The following ANKRD36B variants were observed in gnomAD, a reference collection of about 807,000 sequenced individuals.
ANKRD36B encodes the protein ankyrin repeat domain-containing protein 36B.
In ANKRD36B, 37 loss-of-function variants were observed where a neutral mutation model predicts 135.7. That is an observed-to-expected ratio of 0.27 (90% CI 0.21 to 0.36). The LOEUF is 0.36. ANKRD36B is among the 10% of genes least tolerant of loss of function. ANKRD36B has a pLI of 1.00. For synonymous variants in ANKRD36B, 179 were observed against 348.1 expected (o/e 0.51, Z 5.41); for missense variants, 549 against 1,037.1 (o/e 0.53, Z 6.46).
Position 97,534,832 on chromosome 2 carries a change from G to C in ANKRD36B, c.2191+1468C>G, listed in dbSNP as rs1171679413. 4.2e-5 allele frequency among the ~76,000 whole-genome samples: 4 copies of C among 95,808 alleles called. 2 individuals are homozygous for C. The highest frequency in any genetic ancestry group is 1.1e-4 in the Non-Finnish European group (4 of 36,000). The allele number at this position is 95,808 out of a possible 152,430, so 62.9% of individuals were successfully genotyped here. A position where few individuals can be genotyped will look rare whatever the true frequency, so the allele number is the denominator to read the frequency against. On this transcript the variant is annotated intron_variant, in intron 34 of 43. Coordinates refer to ENST00000359901, the MANE Select transcript of ANKRD36B (RefSeq NM_001393939.1). ...TCCAGCAATCCCATTGCTAGGTAAC[G>C]ATTCAAAAGCAAGAAAATCAGTATT...
At position 97,530,486 on chromosome 2, in the gene ANKRD36B, T is replaced by C. The variant is rs2078511426; in HGVS notation, c.2265+1825A>G. Among the ~76,000 whole-genome samples the C allele has an allele frequency of 3.1e-5, 3 of 95,338 alleles. 1 individual carries two copies. Among genetic ancestry groups the C allele is most frequent in the South Asian group, 2.4e-4 (1 of 4,250 alleles). The allele number at this position is 95,338 out of a possible 152,430, so 62.5% of individuals were successfully genotyped here. ...AACCTAGGCATTACCATTCAGGACA[T>C]AGGCATGGGCAAGGACTTCATGTCT... is the stretch of plus-strand genomic sequence containing the variant. On this transcript the variant is annotated intron_variant, in intron 35 of 43. Transcript: ENST00000359901.
intron 3 of ANKRD36B, 41 bp from the exon 4 acceptor site, chr2:97,580,609 T>C: frequency 3.3e-6 from 5 of 1,510,224 alleles, no homozygotes; most frequent in Non-Finnish European, 4.5e-6. Flanking sequence ...CAAAATTACA[T>C]ATTTATCAAC....
In ANKRD36B at chr2:97,521,844, AACAG is replaced by A. The variant is rs2077962729; in HGVS notation, c.2407+1478_2407+1481del. ...GAGCACCTGCAAATTAATAAAATTC[AACAG>A]ACAGTCCAGAAATAGATAACACATA... On this transcript the variant is annotated intron_variant, in intron 36 of 43. Transcript: ENST00000359901. Among the ~76,000 whole-genome samples the A allele has an allele frequency of 3.3e-5, 3 of 91,450 alleles. No homozygotes were observed. In the South Asian group the frequency reaches 7.1e-4, roughly 22 times the overall value. The allele number at this position is 91,450 out of a possible 152,430, so 60.0% of individuals were successfully genotyped here. A position where few individuals can be genotyped will look rare whatever the true frequency, so the allele number is the denominator to read the frequency against.
Position 97,579,039 on chromosome 2 carries a change from C to T in ANKRD36B, c.562G>A (p.Ala188Thr). ...VNAIDYLGRS[A>T]LILAVTLGEK... ...CCAAGAGTAACAGCAAGTATGAGGG[C>T]TGATCTAAAATAACAGAGAGGTAAT... Residue 188 changes from alanine (A) to threonine (T), a missense_variant, in exon 5 of 44, where the codon GCC becomes ACC. Ala to Thr is a moderately conservative substitution (Grantham distance 58). Coordinates refer to ENST00000359901, the MANE Select transcript of ANKRD36B (RefSeq NM_001393939.1). The T allele has an allele frequency of 6.2e-7, 1 of 1,605,006 alleles. No homozygotes were observed. Among genetic ancestry groups the T allele is most frequent in the Non-Finnish European group, 8.5e-7 (1 of 1,174,656 alleles).
At chr2:97,541,580 T>C (rs558593275) in intron 28 of ANKRD36B, among the ~76,000 whole-genome samples, 2 of 96,280 alleles carry the variant, frequency 2.1e-5, no homozygotes, top group African/African-American at 6.2e-5. Context: ...TAATATCTAT[T>C]ACTTCATCTC....
At chr2:97,560,881 A>G in intron 6 of ANKRD36B, 21 bp from the exon 7 acceptor site, 1 of 1,542,544 alleles carries the variant, frequency 6.5e-7, no homozygotes, top group Non-Finnish European at 8.8e-7. Flanking sequence ...AAAGGGATAC[A>G]TAATCAATCA....
Position 97,536,366 on chromosome 2 carries a change from T to C in ANKRD36B, c.2125A>G (p.Ile709Val), listed in dbSNP as rs1317388682. ...TTCAGAACAGAATCTTTATTTTCAA[T>C]TGTAGCCTGAATGGGTTTTAAAACA... Reference protein sequence around the residue: ...PENLRTLKATIENKDSVLNTA... With the variant: ...PENLRTLKATVENKDSVLNTA... Residue 709 changes from isoleucine to valine, a missense_variant, in exon 34 of 44, where the codon ATT (isoleucine) becomes GTT (valine). Transcript: ENST00000359901. The C allele has an allele frequency of 1.4e-5, 13 of 938,662 alleles. 4 individuals are homozygous for C. The highest frequency in any genetic ancestry group is 1.1e-4 in the South Asian group (9 of 80,506). 58.1% of individuals were successfully genotyped at this position (938,662 alleles called of 1,614,324 possible).
intron 18 of ANKRD36B, among the ~76,000 whole-genome samples, chr2:97,549,886 A>G (rs77649639): frequency 1.3e-5 from 2 of 152,002 alleles, no homozygotes; most frequent in Non-Finnish European, 2.9e-5. Flanking sequence ...ATCAATGTGC[A>G]TAGGCCAAGT....
chr2:97,537,743 C>A (rs987018787), intron 32 of ANKRD36B, among the ~76,000 whole-genome samples: 2 of 96,420 alleles, frequency 2.1e-5, no homozygotes, highest in African/African-American at 6.2e-5. Context: ...TCACCTTGCT[C>A]CTCATTCTCC....
chr2:97,568,982 C>T (rs1161833713), intron 6 of ANKRD36B, among the ~76,000 whole-genome samples: 1 of 152,152 alleles, frequency 6.6e-6, no homozygotes, highest in African/African-American at 2.4e-5. Flanking sequence ...ATAGTATTCA[C>T]TAGCTGGTCT....
intron 4 of ANKRD36B, among the ~76,000 whole-genome samples, chr2:97,579,633 A>G (rs1559239085): frequency 1.3e-5 from 1 of 78,270 alleles, no homozygotes; most frequent in African/African-American, 3.7e-5. Context: ...AATCTATAAA[A>G]TATATAATAT....
chr2:97,561,424 T>C (rs1199162195), intron 6 of ANKRD36B, among the ~76,000 whole-genome samples: 2 of 151,958 alleles, frequency 1.3e-5, no homozygotes, highest in African/African-American at 4.8e-5. Flanking sequence ...GTATGTAATA[T>C]TCATTATTTC....
At chr2:97,573,491 C>A (rs2104906027) in intron 6 of ANKRD36B, among the ~76,000 whole-genome samples, 1 of 152,228 alleles carries the variant, frequency 6.6e-6, no homozygotes, top group African/African-American at 2.4e-5. Context: ...TCAATGCCAT[C>A]CCCATCAAGC....
intron 6 of ANKRD36B, among the ~76,000 whole-genome samples, chr2:97,573,875 A>G (rs1045510147): frequency 2.0e-5 from 3 of 152,248 alleles, no homozygotes; most frequent in Non-Finnish European, 4.4e-5. Context: ...TACATCTTAT[A>G]CAAAAATTAA....
At chr2:97,547,503 T>A in intron 22 of ANKRD36B, 33 bp downstream of exon 22, 1 of 1,529,960 alleles carries the variant, frequency 6.5e-7, no homozygotes, top group South Asian at 1.2e-5. Flanking sequence ...CTACCCGGAC[T>A]GAACATGACA....
intron 35 of ANKRD36B, among the ~76,000 whole-genome samples, chr2:97,531,476 C>G (rs1222071387): frequency 2.2e-5 from 2 of 88,926 alleles, no homozygotes; most frequent in African/African-American, 6.8e-5. Context: ...TTAATGGGTG[C>G]AGCGTACCAG....
rs1308690968 is a variant in ANKRD36B at position 97,589,867 on chromosome 2, C to A, written c.-182G>T. On this transcript the variant is annotated 5_prime_UTR_variant, in exon 1 of 44. Coordinates refer to ENST00000359901, the MANE Select transcript of ANKRD36B (RefSeq NM_001393939.1). ...CGCCTCCCGCCTCTCCGCAGAAACGCCCAACAGAAGGGTTAGAACCAGCGA... is the reference window on the plus strand; with the variant it reads ...CGCCTCCCGCCTCTCCGCAGAAACGACCAACAGAAGGGTTAGAACCAGCGA... 1.5e-5 allele frequency: 13 copies of A among 847,756 alleles called. No individual in the cohort carries two copies. The highest frequency in any genetic ancestry group is 2.2e-5 in the Non-Finnish European group (12 of 546,636). The allele number at this position is 847,756 out of a possible 1,614,324, so 52.5% of individuals were successfully genotyped here.
At chr2:97,532,462 C>A (rs2078648100) in intron 34 of ANKRD36B, 78 bp from the exon 35 acceptor site, 1 of 496,414 alleles carries the variant, frequency 2.0e-6, no homozygotes, top group Non-Finnish European at 3.6e-6. Context: ...GTGGCTCACG[C>A]CTGTAATCCC....
Position 97,537,035 on chromosome 2 carries a change from G to C in ANKRD36B, c.2090-539C>G, listed in dbSNP as rs555262241. 1.7e-4 allele frequency among the ~76,000 whole-genome samples: 16 copies of C among 96,190 alleles called. 5 individuals are homozygous for C. The highest frequency in any genetic ancestry group is 5.0e-4 in the African/African-American group (16 of 32,132). The allele number at this position is 96,190 out of a possible 152,430, so 63.1% of individuals were successfully genotyped here. On this transcript the variant is annotated intron_variant, in intron 32 of 43. Coordinates refer to ENST00000359901, the MANE Select transcript of ANKRD36B (RefSeq NM_001393939.1). ...AATTGATCTGCTTGGATATATGTTT[G>C]GTGAATCCTAGTAGTTAATATTCAT...
Sources: allele counts gnomAD v4.1 joint callset (sites outside exome capture counted in the v4.1 genomes callset), GRCh38; gene constraint gnomAD v4.1.1; transcripts MANE v1.5; gene names NCBI Gene and HGNC (gene_info 2026-07-23, HGNC 2026-07-21).